Variants in ESPNL observed in about 807,000 individuals in gnomAD.
ESPNL encodes espin like.
Under a neutral mutation model 46.8 loss-of-function variants are expected in ESPNL, and 49 were observed. That is an observed-to-expected ratio of 1.05 (90% CI 0.83 to 1.33). The LOEUF is 1.33. Among genes scored for constraint, ESPNL ranks in the 40% most tolerant of loss-of-function variants. The pLI, the probability that ESPNL is intolerant of heterozygous loss-of-function variation, is 0.00. For synonymous variants in ESPNL, 664 were observed against 662.1 expected (o/e 1.00, Z -0.04); for missense variants, 1,540 against 1,436.6 (o/e 1.07, Z -1.16).
At position 238,114,367 on chromosome 2, in the gene ESPNL, C is replaced by T. The variant is rs540282019; in HGVS notation, c.856-2536C>T. Among the ~76,000 whole-genome samples, 9 of 152,166 alleles carry T rather than the reference C, an allele frequency of 5.9e-5. No individual in the cohort carries two copies. The highest frequency in any genetic ancestry group is 1.0e-4 in the Non-Finnish European group (7 of 68,018). On this transcript the variant is annotated intron_variant, in intron 4 of 8. Coordinates refer to ENST00000343063, the MANE Select transcript of ESPNL (RefSeq NM_194312.4). The surrounding 1 kb of genome is among the most constrained non-coding windows in gnomAD (Gnocchi z 5.0). ...TGCAGACCCCGTAACTCCCCTCCTC[C>T]GCATCCTGGCCTCCTCTTCCCAGCA...
At chr2:238,118,321 T>G (rs1027972336) in intron 5 of ESPNL, among the ~76,000 whole-genome samples, 41 of 64,032 alleles carry the variant, frequency 6.4e-4, no homozygotes, top group Admixed American at 7.5e-4. Flanking sequence ...TGGAGGAGGG[T>G]GGGTGGAGAA....
intron 8 of ESPNL, chr2:238,129,267 T>C: frequency 8.7e-7 from 1 of 1,148,754 alleles, no homozygotes; most frequent in Non-Finnish European, 1.1e-6. Flanking sequence ...TTCCCACTGC[T>C]GTGGAGAAAG....
At chr2:238,116,826 G>A (rs1691826387) in intron 4 of ESPNL, 77 bp from the exon 5 acceptor site, 4 of 1,530,232 alleles carry the variant, frequency 2.6e-6, no homozygotes, top group Admixed American at 1.8e-5. Flanking sequence ...GGGCAGGGGA[G>A]CGGCCCGCAC....
intron 4 of ESPNL, among the ~76,000 whole-genome samples, chr2:238,115,075 G>A (rs1486260921): frequency 6.6e-6 from 1 of 152,174 alleles, no homozygotes; most frequent in African/African-American, 2.4e-5. Context: ...CCGGTCTTGC[G>A]GTGGTTCTGG....
rs369362006 is a variant in ESPNL, at chr2:238,102,022, G to A, written c.376G>A (p.Glu126Lys). Residue 126 changes from glutamate to lysine, a missense_variant, in exon 2 of 9, where the codon GAG (glutamate) becomes AAG (lysine). By Grantham distance (56) the Glu-to-Lys change is moderately conservative. Coordinates refer to ENST00000343063, the MANE Select transcript of ESPNL (RefSeq NM_194312.4). Reference protein sequence around the residue: ...HPVLVEWLLHEGHSATLETRE... With the variant: ...HPVLVEWLLHKGHSATLETRE... ...AGTGCTGGTGGAGTGGCTGCTCCAC[G>A]AGGGCCACTCGGCCACGCTAGAGAC... The A allele has an allele frequency of 1.1e-5, 18 of 1,606,854 alleles. No homozygotes were observed. The highest frequency in any genetic ancestry group is 1.4e-5 in the Non-Finnish European group (16 of 1,177,944).
In ESPNL at chr2:238,102,025, G is replaced by C. The variant is rs1559257172; in HGVS notation, c.379G>C (p.Gly127Arg). 1 of 1,606,000 alleles carries C rather than the reference G, an allele frequency of 6.2e-7. No individual in the cohort carries two copies. Among genetic ancestry groups the C allele is most frequent in the Non-Finnish European group, 8.5e-7 (1 of 1,177,704 alleles). Residue 127 changes from glycine to arginine, a missense_variant, in exon 2 of 9, where the codon GGC becomes CGC. Gly to Arg is a moderately radical substitution (Grantham distance 125). Coordinates refer to ENST00000343063, the MANE Select transcript of ESPNL (RefSeq NM_194312.4). ...GCTGGTGGAGTGGCTGCTCCACGAG[G>C]GCCACTCGGCCACGCTAGAGACCCG... Reference protein sequence around the residue: ...PVLVEWLLHEGHSATLETREG... With the variant: ...PVLVEWLLHERHSATLETREG...
intron 8 of ESPNL, among the ~76,000 whole-genome samples, chr2:238,129,546 C>T (rs984391285): frequency 4.7e-4 from 71 of 152,258 alleles, no homozygotes; most frequent in African/African-American, 1.5e-3. Context: ...CCGTGGGGAG[C>T]CACTGAGAAT....
chr2:238,131,797 C>T lies in ESPNL; in HGVS notation c.*65C>T. 8.0e-6 allele frequency: 12 copies of T among 1,509,356 alleles called. No homozygotes were observed. Among genetic ancestry groups the T allele is most frequent in the Non-Finnish European group, 1.1e-5 (12 of 1,119,786 alleles). 93.5% of individuals were successfully genotyped at this position (1,509,356 alleles called of 1,614,324 possible). On this transcript the variant is annotated 3_prime_UTR_variant, in exon 9 of 9. Transcript: ENST00000343063. ...TGACTTGGAGTTTCTCTTTTCTTTT[C>T]CTTGCTCACACCCTTGGTGTTCAGG... is the stretch of plus-strand genomic sequence containing the variant.
intron 5 of ESPNL, among the ~76,000 whole-genome samples, chr2:238,121,932 G>A (rs1251062428): frequency 2.0e-5 from 3 of 152,250 alleles, no homozygotes; most frequent in South Asian, 4.1e-4. Context: ...TCTCAGCCAT[G>A]GCAACGGGTG....
intron 6 of ESPNL, among the ~76,000 whole-genome samples, chr2:238,125,825 C>T (rs1692094238): frequency 7.6e-6 from 1 of 130,986 alleles, no homozygotes; most frequent in African/African-American, 2.7e-5. Flanking sequence ...GAATTATCAA[C>T]AGGTGCCACA....
In ESPNL at chr2:238,114,180, A is replaced by G. The variant is rs1691767287; in HGVS notation, c.856-2723A>G. ...GTCTGTCACTACCCACCCTCTGCTGACAATCCCAGCGGTGATGGGGTCCGT... is the reference window on the plus strand; with the variant it reads ...GTCTGTCACTACCCACCCTCTGCTGGCAATCCCAGCGGTGATGGGGTCCGT... On this transcript the variant is annotated intron_variant, in intron 4 of 8. Coordinates refer to ENST00000343063, the MANE Select transcript of ESPNL (RefSeq NM_194312.4). The surrounding 1 kb of genome is among the most constrained non-coding windows in gnomAD (Gnocchi z 5.0). Among the ~76,000 whole-genome samples, 1 of 152,018 alleles carries G rather than the reference A, an allele frequency of 6.6e-6. No homozygotes were observed. Among genetic ancestry groups the G allele is most frequent in the African/African-American group, 2.4e-5 (1 of 41,376 alleles).
chr2:238,132,557 G>T lies in ESPNL; in HGVS notation c.*825G>T, dbSNP rs6431583. 1 allele frequency: 152,472 copies of T among 152,472 alleles called. 76,236 individuals are homozygous for T. Among genetic ancestry groups the T allele is most frequent in the Non-Finnish European group, 1 (68,118 of 68,118 alleles). The allele number at this position is 152,472 out of a possible 1,614,324, so 9.4% of individuals were successfully genotyped here. A position where few individuals can be genotyped will look rare whatever the true frequency, so the allele number is the denominator to read the frequency against. On this transcript the variant is annotated 3_prime_UTR_variant, in exon 9 of 9. Coordinates refer to ENST00000343063, the MANE Select transcript of ESPNL (RefSeq NM_194312.4). ...GGGGTGGGCAGCAGCCAGACCTCAG[G>T]GGGGCGTGGATACTCCGTGAGGGCA... is the stretch of plus-strand genomic sequence containing the variant.
intron 6 of ESPNL, 165 bp from the exon 7 acceptor site, chr2:238,127,457 C>T (rs1692164928): frequency 7.2e-7 from 1 of 1,387,418 alleles, no homozygotes. Flanking sequence ...AGAGAAGGTC[C>T]AGTGGGGCCC....
intron 5 of ESPNL, among the ~76,000 whole-genome samples, chr2:238,120,433 G>A (rs567511639): frequency 1.3e-5 from 2 of 152,178 alleles, no homozygotes; most frequent in African/African-American, 2.4e-5. Flanking sequence ...CACTGTTCCC[G>A]CCCCAGCCAT....
intron 3 of ESPNL, among the ~76,000 whole-genome samples, chr2:238,106,554 C>T (rs59252660): frequency 0.12 from 18,921 of 152,270 alleles, 1,302 homozygotes; most frequent in Non-Finnish European, 0.15. Context: ...CAGCCTACCC[C>T]AAAGGAAGCT....
At chr2:238,120,986 A>G (rs1216033120) in intron 5 of ESPNL, among the ~76,000 whole-genome samples, 1 of 152,186 alleles carries the variant, frequency 6.6e-6, no homozygotes, top group Admixed American at 6.5e-5. Context: ...CTTGGGGAGC[A>G]ATGCTGGACA....
intron 3 of ESPNL, among the ~76,000 whole-genome samples, chr2:238,105,766 G>A (rs2106465100): frequency 6.6e-6 from 1 of 152,262 alleles, no homozygotes; most frequent in African/African-American, 2.4e-5. Context: ...AAGGCTCGGA[G>A]CCAGGAGCAG....
intron 4 of ESPNL, among the ~76,000 whole-genome samples, chr2:238,115,041 G>T (rs1310757964): frequency 6.6e-6 from 1 of 152,134 alleles, no homozygotes; most frequent in Non-Finnish European, 1.5e-5. Context: ...CGGTTCTGGC[G>T]CTGGTCTTGC....
At position 238,128,888 on chromosome 2, in the gene ESPNL, G is replaced by A. The variant is rs1692207229; in HGVS notation, c.1397G>A (p.Ser466Asn). 2 of 1,542,300 alleles carry A rather than the reference G, an allele frequency of 1.3e-6. No homozygotes were observed. The highest frequency in any genetic ancestry group is 2.7e-5 in the African/African-American group (2 of 72,946). Residue 466 changes from serine (S) to asparagine (N), a missense_variant, in exon 8 of 9, where the codon AGC becomes AAC. By Grantham distance (46) the Ser-to-Asn change is conservative (BLOSUM62 1). Coordinates refer to ENST00000343063, the MANE Select transcript of ESPNL (RefSeq NM_194312.4). ...RKLQARLGAE[S>N]SAEAQDNGGS... is the part of the protein sequence containing the mutation. ...CTGCAGGCGCGCCTGGGCGCAGAGA[G>A]CTCCGCAGAGGCCCAGGTAGGCCCC...
Sources: gnomAD v4.1 joint callset for allele counts (sites outside exome capture counted in the v4.1 genomes callset) on GRCh38, gnomAD v4.1.1 for gene constraint, Gnocchi (gnomAD v3.1) non-coding constraint, MANE v1.5 for transcripts, NCBI Gene and HGNC (gene_info 2026-07-23, HGNC 2026-07-21) for gene names.